STARD13: variants seen among roughly 807,000 people sequenced by gnomAD.
STARD13 encodes StAR related lipid transfer domain containing 13.
A neutral mutation model predicts 106.4 loss-of-function variants in STARD13; 62 were observed. The ratio of observed to expected loss-of-function variants is 0.58; its 90% CI spans 0.48 to 0.72. STARD13 has a LOEUF of 0.72. STARD13 is among the 30% of genes least tolerant of loss of function. STARD13 has a pLI of 0.00. For missense variants in STARD13, 1,387 were observed against 1,424.0 expected (o/e 0.97, Z 0.42); for synonymous variants, 565 against 553.0 (o/e 1.02, Z -0.31).
At chr13:33,420,734 C>T in the STARD13 span, among the ~76,000 whole-genome samples, 1 of 152,146 alleles carries the variant, frequency 6.6e-6, no homozygotes, top group Non-Finnish European at 1.5e-5. Flanking sequence ...TGTAAAAGAA[C>T]AGAAATCACA....
At chr13:33,622,866 G>T in the STARD13 span, among the ~76,000 whole-genome samples, 23 of 121,024 alleles carry the variant, frequency 1.9e-4, no homozygotes, top group Admixed American at 1.1e-3. Flanking sequence ...GTTGCAGTGA[G>T]CCGAGATCAC....
rs1203272151 is a variant in STARD13 at position 33,308,525 on chromosome 13, T to C, written c.124+41765A>G. On this transcript the variant is annotated intron_variant, in intron 1 of 5. Transcript: ENST00000567873. Reference sequence around the variant, plus strand: ...TTTTCTTTTTCTTTTTCTTTCTTTTTTTTTTTTTTTTTTTTGAGTTTGAGT... The same window carrying C: ...TTTTCTTTTTCTTTTTCTTTCTTTTCTTTTTTTTTTTTTTTGAGTTTGAGT... Among the ~76,000 whole-genome samples, 282 of 140,188 alleles carry C rather than the reference T, an allele frequency of 2.0e-3. 1 individual carries two copies. Among genetic ancestry groups the C allele is most frequent in the Non-Finnish European group, 3.1e-3 (197 of 63,860 alleles). 92.0% of individuals were successfully genotyped at this position (140,188 alleles called of 152,430 possible). A position where few individuals can be genotyped will look rare whatever the true frequency, so the allele number is the denominator to read the frequency against.
At position 33,282,360 on chromosome 13, in the gene STARD13, T is replaced by G. The variant is rs1486505150; in HGVS notation, c.169+3110A>C. Reference sequence around the variant, plus strand: ...ATGTGTACCCTAAGATGAGCAAGTTTAGATTCATCCTGGGTTTGGATAATG... The same window carrying G: ...ATGTGTACCCTAAGATGAGCAAGTTGAGATTCATCCTGGGTTTGGATAATG... On this transcript the variant is annotated intron_variant, in intron 1 of 13. Transcript: ENST00000336934. 2.0e-5 allele frequency among the ~76,000 whole-genome samples: 3 copies of G among 152,332 alleles called. No individual in the cohort carries two copies. In the East Asian group the frequency reaches 5.8e-4, roughly 29 times the overall value.
the STARD13 span, among the ~76,000 whole-genome samples, chr13:33,528,227 T>TGTATATATATATAC: frequency 5.4e-5 from 6 of 110,970 alleles, no homozygotes; most frequent in African/African-American, 2.3e-4. Context: ...TGTGTGTGTG[T>TGTATATATATATAC]ATATATATAT....
At chr13:33,175,819 A>T (rs1884458676) in intron 1 of STARD13, among the ~76,000 whole-genome samples, 1 of 152,208 alleles carries the variant, frequency 6.6e-6, no homozygotes, top group South Asian at 2.1e-4. Context: ...GCGTGTTTTT[A>T]GGGATGCAAA....
At chr13:33,501,808 G>A in the STARD13 span, among the ~76,000 whole-genome samples, 1 of 152,160 alleles carries the variant, frequency 6.6e-6, no homozygotes. Flanking sequence ...AAGTCAGGTA[G>A]TGTGATGCTT....
At chr13:33,559,034 T>C in the STARD13 span, among the ~76,000 whole-genome samples, 1 of 151,554 alleles carries the variant, frequency 6.6e-6, no homozygotes, top group East Asian at 1.9e-4. Context: ...GATAGGCAGG[T>C]TTATATTATA....
At chr13:33,160,929 G>T (rs1174246798) in intron 3 of STARD13, among the ~76,000 whole-genome samples, 1 of 152,124 alleles carries the variant, frequency 6.6e-6, no homozygotes, top group Admixed American at 6.5e-5. Flanking sequence ...TTACATCAAA[G>T]AAATGAAAAC....
At chr13:33,361,792 G>A in the STARD13 span, among the ~76,000 whole-genome samples, 29 of 152,084 alleles carry the variant, frequency 1.9e-4, no homozygotes, top group Non-Finnish European at 3.7e-4. Flanking sequence ...ACAGCAAGGG[G>A]GAAATCCACC....
intron 1 of STARD13, among the ~76,000 whole-genome samples, chr13:33,178,690 G>A (rs1048723509): frequency 1.3e-5 from 2 of 152,182 alleles, no homozygotes; most frequent in Non-Finnish European, 2.9e-5. Flanking sequence ...GGAAAGTGGA[G>A]ATTTTATGTA....
At chr13:33,621,642 T>C in the STARD13 span, among the ~76,000 whole-genome samples, 3,372 of 136,254 alleles carry the variant, frequency 0.025, 38 homozygotes, top group Middle Eastern at 0.054. Flanking sequence ...AACACGCCAT[T>C]GCACTCCAGC....
chr13:33,103,198 T>A lies in STARD13; in HGVS notation c.*2395A>T, dbSNP rs1873294307. On this transcript the variant is annotated 3_prime_UTR_variant, in exon 14 of 14. Transcript: ENST00000336934. ...TTTATTTGCCTTGGCAATTATTTAT[T>A]TACAATTGATGATTGATATCAACAA... is the stretch of plus-strand genomic sequence containing the variant. The A allele has an allele frequency of 1.3e-5, 2 of 152,614 alleles. No homozygotes were observed. The highest frequency in any genetic ancestry group is 1.3e-4 in the Admixed American group (2 of 15,284). The allele number at this position is 152,614 out of a possible 1,614,324, so 9.5% of individuals were successfully genotyped here. A position where few individuals can be genotyped will look rare whatever the true frequency, so the allele number is the denominator to read the frequency against.
At chr13:33,166,935 A>G (rs1335933963) in intron 2 of STARD13, among the ~76,000 whole-genome samples, 2 of 151,422 alleles carry the variant, frequency 1.3e-5, no homozygotes, top group African/African-American at 4.9e-5. Flanking sequence ...CGGAGGTTGC[A>G]GCGAGTGGAG....
In STARD13 at chr13:33,103,914, CCTT is replaced by C. The variant is rs1484317339; in HGVS notation, c.*1676_*1678del. 1 of 152,194 alleles carries C rather than the reference CCTT, an allele frequency of 6.6e-6. No individual in the cohort carries two copies. The highest frequency in any genetic ancestry group is 1.5e-5 in the Non-Finnish European group (1 of 68,032). 9.4% of individuals were successfully genotyped at this position (152,194 alleles called of 1,614,324 possible). ...AAGGTAAATTATGGATTTACTGCTT[CCTT>C]CTTAGGTAGATATGGGAATGAAAAA... On this transcript the variant is annotated 3_prime_UTR_variant, in exon 14 of 14. Coordinates refer to ENST00000336934, the MANE Select transcript of STARD13 (RefSeq NM_178006.4).
the STARD13 span, among the ~76,000 whole-genome samples, chr13:33,552,367 A>C: frequency 2.0e-5 from 3 of 152,216 alleles, no homozygotes; most frequent in Non-Finnish European, 4.4e-5. Context: ...CTGTCCTCCA[A>C]AATAGACCAT....
the STARD13 span, among the ~76,000 whole-genome samples, chr13:33,473,274 CA>C: frequency 1.3e-5 from 2 of 152,168 alleles, no homozygotes. Context: ...GTAATACTCA[CA>C]AAGTCCAGAA....
the STARD13 span, among the ~76,000 whole-genome samples, chr13:33,360,726 A>AATCCTTCTGTGTAGACAGAAGGAATC: frequency 8.9e-5 from 12 of 134,706 alleles, no homozygotes; most frequent in East Asian, 2.4e-4. Flanking sequence ...AGACAGAAGG[A>AATCCTTCTGTGTAGACAGAAGGAATC]CATATTGTTG....
chr13:33,507,178 C>T, the STARD13 span, among the ~76,000 whole-genome samples: 1 of 152,140 alleles, frequency 6.6e-6, no homozygotes, highest in Non-Finnish European at 1.5e-5. Context: ...AAACAAACAA[C>T]ATAGTTATGA....
chr13:33,421,214 G>T, the STARD13 span, among the ~76,000 whole-genome samples: 1 of 151,972 alleles, frequency 6.6e-6, no homozygotes, highest in Non-Finnish European at 1.5e-5. Context: ...TAATAAAGAA[G>T]AACAGAGAGA....
Sources: gnomAD v4.1 joint callset for allele counts (sites outside exome capture counted in the v4.1 genomes callset) on GRCh38, gnomAD v4.1.1 for gene constraint, MANE v1.5 for transcripts, NCBI Gene and HGNC (gene_info 2026-07-23, HGNC 2026-07-21) for gene names.